MCF2L: variants seen among roughly 807,000 people sequenced by gnomAD.
MCF2L encodes guanine nucleotide exchange factor DBS.
Under a neutral mutation model 153.4 loss-of-function variants are expected in MCF2L, and 97 were observed. That is an observed-to-expected ratio of 0.63 (90% CI 0.54 to 0.75). The LOEUF (loss-of-function observed/expected upper bound fraction) is 0.75, where lower values mean the gene tolerates loss of function less well. Ranked by LOEUF, MCF2L falls within the 30% of genes least tolerant of loss-of-function variation. The pLI is 0.00. For missense variants in MCF2L, 1,347 were observed against 1,495.2 expected, an observed-to-expected ratio of 0.90 and a Z score of 1.64; for synonymous variants, 659 against 632.2, an observed-to-expected ratio of 1.04 and a Z score of -0.64.
At chr13:112,911,117 G>A (rs1376713134) in intron 2 of MCF2L, among the ~76,000 whole-genome samples, 1 of 152,206 alleles carries the variant, frequency 6.6e-6, no homozygotes, top group Non-Finnish European at 1.5e-5. Context: ...GAACCCCCGC[G>A]GGTCTTCGGG....
At chr13:113,096,043 T>C (rs762656226) in intron 27 of MCF2L, 42 of 458,060 alleles carry the variant, frequency 9.2e-5, no homozygotes, top group Non-Finnish European at 1.6e-4. Flanking sequence ...AGCATGGAAA[T>C]AAGACCTGAA....
At chr13:113,020,904 GTGTA>G (rs1363605538) in intron 2 of MCF2L, among the ~76,000 whole-genome samples, 3 of 151,116 alleles carry the variant, frequency 2.0e-5, no homozygotes, top group African/African-American at 4.9e-5. Flanking sequence ...GTGTAGATGT[GTGTA>G]TGTGTGTGTA....
chr13:113,014,436 G>A (rs984962864), intron 1 of MCF2L, among the ~76,000 whole-genome samples: 2 of 152,170 alleles, frequency 1.3e-5, no homozygotes, highest in Non-Finnish European at 2.9e-5. Context: ...CGAGGAGCCA[G>A]GACCAAGCCC....
intron 1 of MCF2L, among the ~76,000 whole-genome samples, chr13:112,979,091 TC>T (rs1459626407): frequency 6.6e-6 from 1 of 152,102 alleles, no homozygotes; most frequent in Non-Finnish European, 1.5e-5. Flanking sequence ...CCTCATCACT[TC>T]CTCCCTCGAG....
intron 3 of MCF2L, chr13:113,040,436 G>GTGTGTGTGTGTGTGTGTGTT (rs147478810): frequency 2.9e-4 from 45 of 153,078 alleles, no homozygotes; most frequent in African/African-American, 1.1e-3. Context: ...GTGTGTGTGT[G>GTGTGTGTGTGTGTGTGTGTT]TTTCTTTTCC....
intron 1 of MCF2L, among the ~76,000 whole-genome samples, chr13:112,986,172 C>T (rs1320154924): frequency 1.3e-5 from 2 of 150,212 alleles, no homozygotes; most frequent in South Asian, 2.1e-4. Flanking sequence ...GCATGACCTG[C>T]GGTCGGGGTC....
intron 17 of MCF2L, among the ~76,000 whole-genome samples, chr13:113,083,436 T>C (rs1360530216): frequency 6.6e-6 from 1 of 152,200 alleles, no homozygotes; most frequent in Non-Finnish European, 1.5e-5. Context: ...TTAGTATCTG[T>C]CCTCATGGCC....
intron 1 of MCF2L, among the ~76,000 whole-genome samples, chr13:112,981,488 AG>A (rs2082423580): frequency 6.6e-6 from 1 of 152,204 alleles, no homozygotes; most frequent in Non-Finnish European, 1.5e-5. Context: ...CTGGAATGTG[AG>A]GGCGGTGAGA....
At chr13:112,962,060 CACAT>C (rs2081834772) in intron 2 of MCF2L, among the ~76,000 whole-genome samples, 3 of 109,350 alleles carry the variant, frequency 2.7e-5, no homozygotes, top group African/African-American at 1.0e-4. Flanking sequence ...GACACGCACA[CACAT>C]GCACACACAA....
intron 2 of MCF2L, among the ~76,000 whole-genome samples, chr13:113,017,870 G>A (rs956359635): frequency 2.6e-5 from 4 of 152,222 alleles, no homozygotes; most frequent in East Asian, 1.9e-4. Flanking sequence ...AATGGCTTCC[G>A]TGAAGTGCCA....
At position 113,074,467 on chromosome 13, in the gene MCF2L, G is replaced by C. The variant is rs3814264; in HGVS notation, c.1020G>C (p.Ala340=). The change falls in exon 10 of 30, where the codon GCG becomes GCC. Residue 340 remains alanine, a synonymous_variant. Transcript: ENST00000535094. This position sits in a 1 kb window ranked among gnomAD's most constrained non-coding sequence, Gnocchi z 4.2. The part of the protein sequence containing the change: ...FREVKAILDA[A]SQKIATFTDI... Reference sequence around the variant, plus strand: ...AGGTCAAAGCCATCTTGGACGCAGCGTCCCAGAAGATAGCAACCTTCACAG... The same window carrying C: ...AGGTCAAAGCCATCTTGGACGCAGCCTCCCAGAAGATAGCAACCTTCACAG... 6.2e-7 allele frequency: 1 copy of C among 1,613,582 alleles called. No individual in the cohort carries two copies. The highest frequency in any genetic ancestry group is 1.3e-5 in the African/African-American group (1 of 74,918).
At chr13:112,967,920 C>G (rs901129572), upstream of MCF2L, 2 of 179,258 alleles carry the variant, frequency 1.1e-5, no homozygotes, top group African/African-American at 4.8e-5. Context: ...CTCTGTTGGA[C>G]GCTGGAATGC....
chr13:112,896,458 C>G (rs1401522520), intron 1 of MCF2L, among the ~76,000 whole-genome samples: 1 of 128,590 alleles, frequency 7.8e-6, no homozygotes, highest in Non-Finnish European at 1.5e-5. Context: ...AGAAGAGAGG[C>G]CCCCCCTGTC....
intron 2 of MCF2L, 39 bp downstream of exon 2, chr13:113,014,885 G>T (rs1223297380): frequency 6.3e-7 from 1 of 1,591,534 alleles, no homozygotes; most frequent in South Asian, 1.1e-5. Flanking sequence ...AGAGGGAGGG[G>T]TCTGGGGCCG....
In MCF2L at chr13:113,020,792, GTAGATGTGTGTATGTA is replaced by G. The variant is rs1253435439; in HGVS notation, c.164-3848_164-3833del. On this transcript the variant is annotated intron_variant, in intron 2 of 29. Transcript: ENST00000535094. ...TGTATATGTGTAGCTGTGTGTATGT[GTAGATGTGTGTATGTA>G]TAGTGTGTGCGCGTGTGAATGTGTA... is the stretch of plus-strand genomic sequence containing the variant. Among the ~76,000 whole-genome samples the G allele has an allele frequency of 4.6e-3, 482 of 104,742 alleles. 3 individuals carry two copies. Among genetic ancestry groups the G allele is most frequent in the African/African-American group, 0.016 (461 of 28,980 alleles). The allele number at this position is 104,742 out of a possible 152,430, so 68.7% of individuals were successfully genotyped here. A position where few individuals can be genotyped will look rare whatever the true frequency, so the allele number is the denominator to read the frequency against.
chr13:113,037,568 G>A (rs1016979253), intron 3 of MCF2L, among the ~76,000 whole-genome samples: 2 of 152,192 alleles, frequency 1.3e-5, no homozygotes, highest in Non-Finnish European at 2.9e-5. Flanking sequence ...TTCCATTCTG[G>A]CTCTAATAGA....
chr13:113,045,009 A>C lies in MCF2L; in HGVS notation c.279-262A>C. 1 of 1,337,788 alleles carries C rather than the reference A, an allele frequency of 7.5e-7. No individual in the cohort carries two copies. Among genetic ancestry groups the C allele is most frequent in the Non-Finnish European group, 1.0e-6 (1 of 965,104 alleles). The allele number at this position is 1,337,788 out of a possible 1,614,324, so 82.9% of individuals were successfully genotyped here. On this transcript the variant is annotated intron_variant, in intron 3 of 29. Coordinates refer to ENST00000535094, the MANE Select transcript of MCF2L (RefSeq NM_001112732.3). The surrounding 1 kb of genome is among the most constrained non-coding windows in gnomAD (Gnocchi z 4.2). ...GCTCGGGAGAGATGGTTCTGCCTCAATCTGTGACTCGAGGTGGTTGGTGTT... is the reference window on the plus strand; with the variant it reads ...GCTCGGGAGAGATGGTTCTGCCTCACTCTGTGACTCGAGGTGGTTGGTGTT...
chr13:112,948,863 C>T (rs937545752), intron 2 of MCF2L, among the ~76,000 whole-genome samples: 5 of 152,198 alleles, frequency 3.3e-5, no homozygotes, highest in Admixed American at 2.0e-4. Flanking sequence ...GCCAGGAGTT[C>T]GAGACCAGCC....
intron 26 of MCF2L, 94 bp from the exon 27 acceptor site, chr13:113,094,420 A>T (rs1595042219): frequency 1.5e-6 from 2 of 1,356,680 alleles, no homozygotes; most frequent in Middle Eastern, 1.9e-4. Flanking sequence ...CACACATTTC[A>T]GGGGGTCTGT....
Sources: allele counts gnomAD v4.1 joint callset (sites outside exome capture counted in the v4.1 genomes callset), GRCh38; gene constraint gnomAD v4.1.1; non-coding constraint Gnocchi (gnomAD v3.1); transcripts MANE v1.5; gene names NCBI Gene and HGNC (gene_info 2026-07-23, HGNC 2026-07-21).